MCHR2: variants seen among roughly 807,000 people sequenced by gnomAD.
MCHR2 encodes the protein melanin concentrating hormone receptor 2, also known as melanin-concentrating hormone receptor 2.
In MCHR2, 15 loss-of-function variants were observed where a neutral mutation model predicts 24.8. The ratio of observed to expected loss-of-function variants is 0.60; its 90% CI spans 0.40 to 0.93. MCHR2 has a LOEUF of 0.93. Ranked by LOEUF, MCHR2 falls within the 40% of genes least tolerant of loss-of-function variation. The pLI, the probability that MCHR2 is intolerant of heterozygous loss-of-function variation, is 0.00. For synonymous variants in MCHR2, 151 were observed against 147.6 expected (o/e 1.02, Z -0.17); for missense variants, 386 against 408.7 (o/e 0.94, Z 0.48).
intron 1 of MCHR2, among the ~76,000 whole-genome samples, chr6:99,975,514 G>A (rs1325202025): frequency 1.3e-5 from 2 of 152,292 alleles, no homozygotes; most frequent in African/African-American, 2.4e-5. Flanking sequence ...CTGACCCCTT[G>A]CGCTTCCCAA....
chr6:99,979,139 C>A (rs7739904), intron 1 of MCHR2, among the ~76,000 whole-genome samples: 1 of 151,834 alleles, frequency 6.6e-6, no homozygotes, highest in African/African-American at 2.4e-5. Flanking sequence ...AGTGGTAGAG[C>A]GTCTTGTTTT....
At chr6:99,969,127 A>C (rs1358018911) in intron 1 of MCHR2, among the ~76,000 whole-genome samples, 1 of 152,120 alleles carries the variant, frequency 6.6e-6, no homozygotes, top group Non-Finnish European at 1.5e-5. Context: ...GTTTCCTCTA[A>C]ATACATTTAG....
In MCHR2 at chr6:99,952,970, C is replaced by T. The variant is rs554455974; in HGVS notation, c.182+2996G>A. Among the ~76,000 whole-genome samples the T allele has an allele frequency of 9.2e-5, 14 of 152,186 alleles. No homozygotes were observed. The East Asian group carries it at 2.5e-3, about 27-fold the overall frequency. ...GATAGATTTTTCTCAATATTGCAAA[C>T]CAATTGGTCCGTACAATGGCTCAGG... is the stretch of plus-strand genomic sequence containing the variant. On this transcript the variant is annotated intron_variant, in intron 2 of 5. Coordinates refer to ENST00000281806, the MANE Select transcript of MCHR2 (RefSeq NM_001040179.2).
chr6:99,961,197 A>T (rs942591341), intron 1 of MCHR2, among the ~76,000 whole-genome samples: 1 of 152,126 alleles, frequency 6.6e-6, no homozygotes, highest in Non-Finnish European at 1.5e-5. Flanking sequence ...GAAGAAAAAA[A>T]AAGCGTTTTA....
chr6:99,970,736 G>C lies in MCHR2; in HGVS notation c.-27-14562C>G, dbSNP rs9496025. On this transcript the variant is annotated intron_variant, in intron 1 of 5. Coordinates refer to ENST00000281806, the MANE Select transcript of MCHR2 (RefSeq NM_001040179.2). ...TTTGATCCATCTTGAATTAATTTTTGTATAAAGTGTAAGGAAGGGATCCAG... is the reference window on the plus strand; with the variant it reads ...TTTGATCCATCTTGAATTAATTTTTCTATAAAGTGTAAGGAAGGGATCCAG... Among the ~76,000 whole-genome samples the C allele has an allele frequency of 2.8e-3, 428 of 152,230 alleles. 1 individual carries two copies. Among genetic ancestry groups the C allele is most frequent in the Non-Finnish European group, 4.0e-3 (271 of 68,014 alleles).
intron 1 of MCHR2, among the ~76,000 whole-genome samples, chr6:99,967,379 T>C (rs1447972989): frequency 6.6e-6 from 1 of 152,042 alleles, no homozygotes; most frequent in African/African-American, 2.4e-5. Context: ...GTCTGAAAAG[T>C]GATAATAAAA....
At chr6:99,948,291 T>C (rs555980661) in intron 2 of MCHR2, among the ~76,000 whole-genome samples, 9 of 152,220 alleles carry the variant, frequency 5.9e-5, no homozygotes, top group Admixed American at 5.9e-4. Flanking sequence ...GTGCAGTGTG[T>C]GACTTTGAAA....
intron 2 of MCHR2, among the ~76,000 whole-genome samples, chr6:99,950,804 A>G (rs1187092632): frequency 6.6e-6 from 1 of 152,148 alleles, no homozygotes; most frequent in Non-Finnish European, 1.5e-5. Context: ...AATTTCTATT[A>G]AAATCATGCT....
At chr6:99,948,391 C>T (rs12174114) in intron 2 of MCHR2, among the ~76,000 whole-genome samples, 1 of 152,084 alleles carries the variant, frequency 6.6e-6, no homozygotes, top group Admixed American at 6.6e-5. Context: ...TGTGAGGATA[C>T]TCAAGCAACA....
intron 1 of MCHR2, among the ~76,000 whole-genome samples, chr6:99,966,861 A>G (rs1775304777): frequency 6.6e-6 from 1 of 152,062 alleles, no homozygotes; most frequent in Non-Finnish European, 1.5e-5. Context: ...GGCCATTTTC[A>G]TCCAGGAAAA....
chr6:99,985,395 A>G (rs1227432074), intron 1 of MCHR2, among the ~76,000 whole-genome samples: 3 of 152,124 alleles, frequency 2.0e-5, no homozygotes, highest in African/African-American at 7.2e-5. Context: ...AAGAGAATAA[A>G]TCTAGATGTA....
chr6:99,987,998 C>T (rs901966945), intron 1 of MCHR2, among the ~76,000 whole-genome samples: 20 of 152,148 alleles, frequency 1.3e-4, no homozygotes, highest in South Asian at 6.2e-4. Flanking sequence ...ATTTGCATCT[C>T]TGGAACTAAG....
intron 1 of MCHR2, among the ~76,000 whole-genome samples, chr6:99,967,825 C>T (rs1775322011): frequency 6.6e-6 from 1 of 152,154 alleles, no homozygotes; most frequent in African/African-American, 2.4e-5. Flanking sequence ...ACCTAATCCA[C>T]CCATCTCCTT....
At chr6:99,986,526 T>C (rs1775773241) in intron 1 of MCHR2, among the ~76,000 whole-genome samples, 1 of 152,136 alleles carries the variant, frequency 6.6e-6, no homozygotes, top group Non-Finnish European at 1.5e-5. Flanking sequence ...TATGGCAACA[T>C]AGATGGAACT....
At chr6:99,926,387 G>C (rs11969942) in intron 5 of MCHR2, among the ~76,000 whole-genome samples, 2,475 of 152,112 alleles carry the variant, frequency 0.016, 40 homozygotes, top group South Asian at 0.057. Flanking sequence ...ATTTCTAGTT[G>C]TAGATCCCTG....
At chr6:99,963,298 T>C (rs1391933664) in intron 1 of MCHR2, among the ~76,000 whole-genome samples, 5 of 152,036 alleles carry the variant, frequency 3.3e-5, no homozygotes, top group Admixed American at 6.6e-5. Flanking sequence ...TAAAAAAAGT[T>C]TACACATACA....
intron 1 of MCHR2, among the ~76,000 whole-genome samples, chr6:99,991,263 ATCC>A (rs1202573815): frequency 6.6e-6 from 1 of 152,150 alleles, no homozygotes; most frequent in African/African-American, 2.4e-5. Context: ...GCCTCAGTGC[ATCC>A]TCCTCAGGGA....
intron 1 of MCHR2, among the ~76,000 whole-genome samples, chr6:99,984,774 G>A (rs1251040941): frequency 2.0e-5 from 3 of 152,088 alleles, no homozygotes; most frequent in Non-Finnish European, 2.9e-5. Context: ...GACAATACAA[G>A]GATGCCCACT....
rs1775867137 is a variant in MCHR2, at chr6:99,991,180, TG to T, written c.-28+2755del. Among the ~76,000 whole-genome samples the T allele has an allele frequency of 3.9e-5, 6 of 152,026 alleles. No individual in the cohort carries two copies. In the South Asian group the frequency reaches 1.3e-3, roughly 32 times the overall value. The stretch of plus-strand genomic sequence containing the variant: ...GAAAAGAGGGGAGCAGAGCCGCCTA[TG>T]GGGCCCAGGACCTCCACAGGAGACC... On this transcript the variant is annotated intron_variant, in intron 1 of 5. Transcript: ENST00000281806.
Sources: allele counts gnomAD v4.1 joint callset (sites outside exome capture counted in the v4.1 genomes callset), GRCh38; gene constraint gnomAD v4.1.1; transcripts MANE v1.5; gene names NCBI Gene and HGNC (gene_info 2026-07-23, HGNC 2026-07-21).